The following PARD3B variants were observed in gnomAD, a reference collection of about 807,000 sequenced individuals.
PARD3B encodes par-3 family cell polarity regulator beta.
In PARD3B, 103 loss-of-function variants were observed where a neutral mutation model predicts 130.2. The observed-to-expected ratio is 0.79, with a 90% CI of 0.67 to 0.93. The LOEUF (loss-of-function observed/expected upper bound fraction) is 0.93, where lower values mean the gene tolerates loss of function less well. PARD3B is among the 40% of genes least tolerant of loss of function. PARD3B has a pLI of 0.00. For missense variants in PARD3B, 1,609 were observed against 1,499.2 expected (o/e 1.07, Z -1.21); for synonymous variants, 583 against 553.2 (o/e 1.05, Z -0.76).
chr2:204,710,354 CAG>C (rs1224447529), intron 2 of PARD3B, among the ~76,000 whole-genome samples: 1 of 152,194 alleles, frequency 6.6e-6, no homozygotes, highest in Non-Finnish European at 1.5e-5. Context: ...GGTTACGAAA[CAG>C]ATCTCCAGAA....
intron 18 of PARD3B, among the ~76,000 whole-genome samples, chr2:205,369,458 G>A (rs574748544): frequency 2.0e-4 from 31 of 152,286 alleles, no homozygotes; most frequent in East Asian, 1.4e-3. Context: ...ACCTCCACAC[G>A]TAGAATGAGA....
At chr2:205,246,930 C>T (rs768258737) in intron 16 of PARD3B, among the ~76,000 whole-genome samples, 12 of 152,152 alleles carry the variant, frequency 7.9e-5, no homozygotes, top group Non-Finnish European at 1.5e-4. Flanking sequence ...TCCTTGCTCC[C>T]AACATCCTCT....
chr2:204,885,433 A>G lies in PARD3B; in HGVS notation c.223-79719A>G, dbSNP rs575232401. ...TTCCCATTCTGTAGGTTGTCTGTTCATTAGCAGAGTGTTCTTTATAAAAAT... is the reference window on the plus strand; with the variant it reads ...TTCCCATTCTGTAGGTTGTCTGTTCGTTAGCAGAGTGTTCTTTATAAAAAT... On this transcript the variant is annotated intron_variant, in intron 2 of 22. Coordinates refer to ENST00000406610, the MANE Select transcript of PARD3B (RefSeq NM_001302769.2). 2.0e-5 allele frequency among the ~76,000 whole-genome samples: 3 copies of G among 152,350 alleles called. No homozygotes were observed. The East Asian group carries it at 5.8e-4, about 29-fold the overall frequency.
At position 205,065,753 on chromosome 2, in the gene PARD3B, A is replaced by AT. The variant is rs149674592; in HGVS notation, c.504+18069dup. 7.7e-3 allele frequency among the ~76,000 whole-genome samples: 1,169 copies of AT among 152,138 alleles called. 7 individuals carry two copies. Among genetic ancestry groups the AT allele is most frequent in the Non-Finnish European group, 0.013 (862 of 67,988 alleles). On this transcript the variant is annotated intron_variant, in intron 4 of 22. Coordinates refer to ENST00000406610, the MANE Select transcript of PARD3B (RefSeq NM_001302769.2). ...CCCAATGGATTTTCTCTCTCTTTGCATTTTTTGCTTCTGCTTTAACCTTCC... is the reference window on the plus strand; with the variant it reads ...CCCAATGGATTTTCTCTCTCTTTGCATTTTTTTGCTTCTGCTTTAACCTTCC...
chr2:204,878,105 G>A (rs1033519568), intron 2 of PARD3B, among the ~76,000 whole-genome samples: 1 of 152,146 alleles, frequency 6.6e-6, no homozygotes, highest in Non-Finnish European at 1.5e-5. Flanking sequence ...GCATCCATCA[G>A]CAGTTTTGTT....
chr2:204,894,931 A>C (rs1689798037), intron 2 of PARD3B, among the ~76,000 whole-genome samples: 1 of 152,162 alleles, frequency 6.6e-6, no homozygotes, highest in Admixed American at 6.5e-5. Flanking sequence ...AAGAAATAAA[A>C]GTAGATTTAT....
intron 1 of PARD3B, among the ~76,000 whole-genome samples, chr2:204,630,924 A>AT (rs1190598133): frequency 6.6e-6 from 1 of 151,658 alleles, no homozygotes; most frequent in Non-Finnish European, 1.5e-5. Context: ...AGATATGTTG[A>AT]TTTTTTTGAA....
chr2:204,849,864 T>G (rs1033881773), intron 2 of PARD3B, among the ~76,000 whole-genome samples: 5 of 152,212 alleles, frequency 3.3e-5, no homozygotes, highest in African/African-American at 1.2e-4. Context: ...TATTATTTTA[T>G]AGAAGGATAA....
At chr2:205,243,204 GC>G (rs2039431187) in intron 15 of PARD3B, among the ~76,000 whole-genome samples, 1 of 151,360 alleles carries the variant, frequency 6.6e-6, no homozygotes, top group Admixed American at 6.6e-5. Context: ...GCCTGGTAAT[GC>G]TGGCATTCAA....
intron 2 of PARD3B, among the ~76,000 whole-genome samples, chr2:204,803,471 C>G (rs1235446083): frequency 1.3e-5 from 2 of 151,956 alleles, no homozygotes; most frequent in African/African-American, 4.8e-5. Flanking sequence ...ATAACTACAA[C>G]AACTTTTCAA....
intron 18 of PARD3B, among the ~76,000 whole-genome samples, chr2:205,312,777 A>C (rs1215057473): frequency 6.6e-6 from 1 of 152,192 alleles, no homozygotes; most frequent in African/African-American, 2.4e-5. Flanking sequence ...TAGCAATTTT[A>C]ATTTTTCATT....
At chr2:204,649,114 T>A (rs1181853204) in intron 1 of PARD3B, among the ~76,000 whole-genome samples, 1 of 145,936 alleles carries the variant, frequency 6.9e-6, no homozygotes, top group Non-Finnish European at 1.5e-5. Flanking sequence ...AAGACAATTT[T>A]AAATCATTGT....
At chr2:204,580,855 G>A (rs536883297) in intron 1 of PARD3B, among the ~76,000 whole-genome samples, 5 of 152,082 alleles carry the variant, frequency 3.3e-5, no homozygotes, top group Non-Finnish European at 7.4e-5. Flanking sequence ...AGGAGTTGGG[G>A]GAGTAGAATC....
At chr2:204,640,597 A>G (rs2035043538) in intron 1 of PARD3B, among the ~76,000 whole-genome samples, 1 of 152,172 alleles carries the variant, frequency 6.6e-6, no homozygotes. Context: ...GACCTGAGAT[A>G]CTGCACTGTC....
chr2:205,482,065 C>T lies in PARD3B; in HGVS notation c.3045-17831C>T, dbSNP rs73058133. ...GGCTCTGTTGAGGACCTGCCCCATG[C>T]GAGCCACTCCGGGGATCATATGTTG... On this transcript the variant is annotated intron_variant, in intron 20 of 22. Coordinates refer to ENST00000406610, the MANE Select transcript of PARD3B (RefSeq NM_001302769.2). Among the ~76,000 whole-genome samples, 385 of 152,028 alleles carry T rather than the reference C, an allele frequency of 2.5e-3. 1 individual carries two copies. The highest frequency in any genetic ancestry group is 8.8e-3 in the African/African-American group (366 of 41,498).
intron 2 of PARD3B, among the ~76,000 whole-genome samples, chr2:204,750,328 A>T (rs1465137929): frequency 1.3e-5 from 2 of 152,180 alleles, no homozygotes. Flanking sequence ...CACGCCTGTA[A>T]TCCCAGCACT....
chr2:205,234,434 T>TAA (rs2038974290), intron 15 of PARD3B, among the ~76,000 whole-genome samples: 1 of 152,088 alleles, frequency 6.6e-6, no homozygotes, highest in South Asian at 2.1e-4. Flanking sequence ...TTCAGAAAAA[T>TAA]ATTACCAGAA....
intron 1 of PARD3B, among the ~76,000 whole-genome samples, chr2:204,634,398 A>G (rs2034798942): frequency 6.6e-6 from 1 of 152,168 alleles, no homozygotes; most frequent in Admixed American, 6.5e-5. Context: ...CTGTTTATGG[A>G]TACTTAAAGT....
At chr2:205,206,666 G>A (rs534643472) in intron 15 of PARD3B, among the ~76,000 whole-genome samples, 81 of 151,816 alleles carry the variant, frequency 5.3e-4, no homozygotes, top group South Asian at 2.9e-3. Context: ...GAATAATGCC[G>A]CAATAAACAT....
Sources: gnomAD v4.1 joint callset for allele counts (sites outside exome capture counted in the v4.1 genomes callset) on GRCh38, gnomAD v4.1.1 for gene constraint, MANE v1.5 for transcripts, NCBI Gene and HGNC (gene_info 2026-07-23, HGNC 2026-07-21) for gene names.